B3GALT1: variants seen among roughly 807,000 people sequenced by gnomAD.
B3GALT1 encodes beta-1,3-galactosyltransferase 1.
In B3GALT1, 10 loss-of-function variants were observed where a neutral mutation model predicts 23.2. The ratio of observed to expected loss-of-function variants is 0.43; its 90% confidence interval spans 0.27 to 0.73. The LOEUF (loss-of-function observed/expected upper bound fraction) is 0.73, where lower values mean the gene tolerates loss of function less well. Among genes scored for constraint, B3GALT1 ranks in the 30% least tolerant of loss-of-function variants. The probability of loss-of-function intolerance (pLI) is 0.21; values close to 1 mark genes in which losing one functional copy is unlikely to be tolerated. For synonymous variants in B3GALT1, 156 were observed against 141.5 expected (o/e 1.10, Z -0.73); for missense variants, 299 against 405.4 (o/e 0.74, Z 2.25).
chr2:167,640,484 A>G (rs1045467997), intron 2 of B3GALT1, among the ~76,000 whole-genome samples: 6 of 151,902 alleles, frequency 3.9e-5, no homozygotes, highest in Non-Finnish European at 8.8e-5. Flanking sequence ...CTGCCTTGCT[A>G]TCTAAAATTT....
rs140454092 is a variant in B3GALT1 at position 167,725,531 on chromosome 2, T to A, written c.-352+78565T>A. ...CTTGTCTGTTCCTAAGGTATGTAAG[T>A]TCAGTCCCTTCAGTTTTTAGAAAAC... On this transcript the variant is annotated intron_variant, in intron 3 of 4. Transcript: ENST00000392690. 5.0e-3 allele frequency among the ~76,000 whole-genome samples: 760 copies of A among 152,294 alleles called. 6 individuals carry two copies. The highest frequency in any genetic ancestry group is 0.017 in the African/African-American group (716 of 41,578).
chr2:167,382,517 T>A (rs1371161631), intron 1 of B3GALT1, among the ~76,000 whole-genome samples: 1 of 152,104 alleles, frequency 6.6e-6, no homozygotes, highest in Non-Finnish European at 1.5e-5. Context: ...TGTGTACTTA[T>A]CAAGCACCCC....
In B3GALT1 at chr2:167,447,818, G is replaced by A. The variant is rs146912366; in HGVS notation, c.-510-42359G>A. On this transcript the variant is annotated intron_variant, in intron 1 of 4. Coordinates refer to ENST00000392690, the MANE Select transcript of B3GALT1 (RefSeq NM_020981.4). ...TGACCCCTTGTGCTTCCTGGGTGAG[G>A]CGATGCCTCACCCCACTTCGGCTCT... Among the ~76,000 whole-genome samples, 51 of 152,192 alleles carry A rather than the reference G, an allele frequency of 3.4e-4. No homozygotes were observed. The East Asian group carries it at 9.7e-3, about 29-fold the overall frequency.
At chr2:167,330,678 T>G (rs1161064766) in intron 1 of B3GALT1, among the ~76,000 whole-genome samples, 1 of 152,132 alleles carries the variant, frequency 6.6e-6, no homozygotes, top group East Asian at 1.9e-4. Flanking sequence ...GTTCCAGAGT[T>G]TGTTTGTATC....
At chr2:167,317,368 A>G (rs968010073) in intron 1 of B3GALT1, among the ~76,000 whole-genome samples, 3 of 152,132 alleles carry the variant, frequency 2.0e-5, no homozygotes, top group African/African-American at 4.8e-5. Flanking sequence ...GTGGGCTCCA[A>G]GTATGGAGAA....
chr2:167,801,897 C>T (rs533222363), intron 3 of B3GALT1, among the ~76,000 whole-genome samples: 147 of 152,304 alleles, frequency 9.7e-4, no homozygotes, highest in South Asian at 2.1e-3. Context: ...CACATGATTT[C>T]GGTGCATCCC....
At chr2:167,398,657 G>T (rs1698138771) in intron 1 of B3GALT1, among the ~76,000 whole-genome samples, 1 of 152,102 alleles carries the variant, frequency 6.6e-6, no homozygotes, top group East Asian at 1.9e-4. Flanking sequence ...ACCCACCAAG[G>T]ATATTTATGA....
In B3GALT1 at chr2:167,870,632, C is replaced by T. The variant is rs1690327100; in HGVS notation, c.*612C>T. The T allele has an allele frequency of 6.0e-6, 1 of 167,056 alleles. No individual in the cohort carries two copies. Among genetic ancestry groups the T allele is most frequent in the African/African-American group, 2.4e-5 (1 of 41,442 alleles). The allele number at this position is 167,056 out of a possible 1,614,324, so 10.3% of individuals were successfully genotyped here. A position where few individuals can be genotyped will look rare whatever the true frequency, so the allele number is the denominator to read the frequency against. On this transcript the variant is annotated 3_prime_UTR_variant, in exon 5 of 5. Transcript: ENST00000392690. Reference sequence around the variant, plus strand: ...TGTTTGGAAGACAACTCTGCTTGCTCATCCAAGGATTAAATCTGGTCAGCA... The same window carrying T: ...TGTTTGGAAGACAACTCTGCTTGCTTATCCAAGGATTAAATCTGGTCAGCA...
chr2:167,742,800 C>T (rs545504339), intron 3 of B3GALT1, among the ~76,000 whole-genome samples: 1 of 151,872 alleles, frequency 6.6e-6, no homozygotes, highest in Non-Finnish European at 1.5e-5. Flanking sequence ...AATTGTTGCC[C>T]AACTTAAAGA....
Position 167,801,182 on chromosome 2 carries a change from G to C in B3GALT1, c.-351-17490G>C, listed in dbSNP as rs375871545. On this transcript the variant is annotated intron_variant, in intron 3 of 4. Coordinates refer to ENST00000392690, the MANE Select transcript of B3GALT1 (RefSeq NM_020981.4). ...ATCCGGGCCTGAGGCCCTGAATATA[G>C]ATCCTTCAGAGCAATAGTGAAAACA... Among the ~76,000 whole-genome samples the C allele has an allele frequency of 2.2e-4, 33 of 152,302 alleles. No homozygotes were observed. The East Asian group carries it at 6.0e-3, about 28-fold the overall frequency.
At chr2:167,631,209 A>G (rs1326382485) in intron 2 of B3GALT1, among the ~76,000 whole-genome samples, 1 of 151,900 alleles carries the variant, frequency 6.6e-6, no homozygotes, top group Non-Finnish European at 1.5e-5. Flanking sequence ...TCTTTTGAAT[A>G]AACAGGGCAT....
intron 3 of B3GALT1, among the ~76,000 whole-genome samples, chr2:167,679,608 C>A (rs1686492770): frequency 6.6e-6 from 1 of 152,230 alleles, no homozygotes; most frequent in South Asian, 2.1e-4. Context: ...TTTTCCAGGT[C>A]ATGAGAAATC....
rs1223330193 is a variant in B3GALT1, at chr2:167,839,876, A to C, written c.-230+21083A>C. Reference sequence around the variant, plus strand: ...ACAGAGCCCTCAGAAATAACGCCGCATATCTGCAACTATCTGATCTTTGAC... The same window carrying C: ...ACAGAGCCCTCAGAAATAACGCCGCCTATCTGCAACTATCTGATCTTTGAC... On this transcript the variant is annotated intron_variant, in intron 4 of 4. Transcript: ENST00000392690. 6.6e-4 allele frequency among the ~76,000 whole-genome samples: 101 copies of C among 152,302 alleles called. 1 individual carries two copies. The highest frequency in any genetic ancestry group is 2.3e-3 in the African/African-American group (95 of 41,548).
intron 3 of B3GALT1, among the ~76,000 whole-genome samples, chr2:167,803,963 G>A (rs571764467): frequency 5.2e-4 from 79 of 152,200 alleles, no homozygotes; most frequent in East Asian, 9.7e-4. Flanking sequence ...TGTATTGCAC[G>A]AAGTATACAC....
At chr2:167,742,610 G>T (rs1687592487) in intron 3 of B3GALT1, among the ~76,000 whole-genome samples, 1 of 152,100 alleles carries the variant, frequency 6.6e-6, no homozygotes, top group African/African-American at 2.4e-5. Context: ...GAAAGAAGTT[G>T]CATCTAGAAC....
chr2:167,752,298 A>G (rs1687750115), intron 3 of B3GALT1, among the ~76,000 whole-genome samples: 2 of 152,312 alleles, frequency 1.3e-5, no homozygotes, highest in South Asian at 4.1e-4. Flanking sequence ...TTATATGTAT[A>G]TTTAAACACT....
chr2:167,401,801 C>A (rs1377823815), intron 1 of B3GALT1, among the ~76,000 whole-genome samples: 1 of 152,166 alleles, frequency 6.6e-6, no homozygotes, highest in African/African-American at 2.4e-5. Flanking sequence ...GGAAGAGTCA[C>A]ATTTTAACAG....
At chr2:167,841,745 A>T (rs1689654803) in intron 4 of B3GALT1, among the ~76,000 whole-genome samples, 1 of 152,348 alleles carries the variant, frequency 6.6e-6, no homozygotes, top group African/African-American at 2.4e-5. Flanking sequence ...AAATGCCCTA[A>T]CCAAGATACT....
chr2:167,652,044 A>G (rs1276513946), intron 3 of B3GALT1, among the ~76,000 whole-genome samples: 2 of 152,134 alleles, frequency 1.3e-5, no homozygotes, highest in Non-Finnish European at 2.9e-5. Flanking sequence ...AACCAAACCC[A>G]CAAGAGCCAC....
Sources: gnomAD v4.1 joint callset for allele counts (sites outside exome capture counted in the v4.1 genomes callset) on GRCh38, gnomAD v4.1.1 for gene constraint, MANE v1.5 for transcripts, NCBI Gene and HGNC (gene_info 2026-07-23, HGNC 2026-07-21) for gene names.